ZNF804A: variants seen among roughly 807,000 people sequenced by gnomAD.
The protein encoded by ZNF804A is zinc finger protein 804A.
A neutral mutation model predicts 16.5 loss-of-function variants in ZNF804A; 2 were observed. The ratio of observed to expected loss-of-function variants is 0.12; its 90% CI spans 0.05 to 0.38. The LOEUF is 0.38. Ranked by LOEUF, ZNF804A falls within the 10% of genes least tolerant of loss-of-function variation. ZNF804A has a pLI of 0.99. For synonymous variants in ZNF804A, 534 were observed against 489.6 expected (o/e 1.09, Z -1.20); for missense variants, 1,473 against 1,390.7 (o/e 1.06, Z -0.94).
chr2:184,908,832 T>C (rs766868135), intron 2 of ZNF804A, among the ~76,000 whole-genome samples: 28 of 152,174 alleles, frequency 1.8e-4, no homozygotes, highest in Non-Finnish European at 3.2e-4. Flanking sequence ...GCTACTCTGT[T>C]ATTTCAGTTT....
At chr2:184,625,841 C>T (rs1045721171) in intron 1 of ZNF804A, among the ~76,000 whole-genome samples, 1 of 151,930 alleles carries the variant, frequency 6.6e-6, no homozygotes, top group Non-Finnish European at 1.5e-5. Context: ...AACAGATAAC[C>T]TAACTTTGAG....
At chr2:184,607,557 C>T (rs2105669123) in intron 1 of ZNF804A, among the ~76,000 whole-genome samples, 1 of 152,166 alleles carries the variant, frequency 6.6e-6, no homozygotes, top group East Asian at 1.9e-4. Flanking sequence ...TAACTGCCCC[C>T]ATGATTCAAT....
intron 1 of ZNF804A, among the ~76,000 whole-genome samples, chr2:184,812,694 C>G (rs1024579216): frequency 2.6e-5 from 4 of 152,150 alleles, no homozygotes; most frequent in South Asian, 4.1e-4. Context: ...CTGGAAAGCA[C>G]TTTTCTTTCT....
chr2:184,917,535 AT>A (rs1371302750), intron 2 of ZNF804A, among the ~76,000 whole-genome samples: 1 of 152,088 alleles, frequency 6.6e-6, no homozygotes, highest in Non-Finnish European at 1.5e-5. Context: ...CTGAAAATAG[AT>A]GAGTATAGTA....
chr2:184,668,533 C>T (rs1692288428), intron 1 of ZNF804A, among the ~76,000 whole-genome samples: 1 of 151,780 alleles, frequency 6.6e-6, no homozygotes, highest in African/African-American at 2.4e-5. Context: ...TTTTTCTTCA[C>T]AATAAAACAT....
At chr2:184,630,466 T>C (rs1357310090) in intron 1 of ZNF804A, among the ~76,000 whole-genome samples, 1 of 152,168 alleles carries the variant, frequency 6.6e-6, no homozygotes, top group Non-Finnish European at 1.5e-5. Flanking sequence ...CCTCTTATTT[T>C]CTCAGAAGAA....
At chr2:184,801,076 T>C (rs1694718349) in intron 1 of ZNF804A, among the ~76,000 whole-genome samples, 1 of 152,088 alleles carries the variant, frequency 6.6e-6, no homozygotes. Context: ...TTTTGAAGGG[T>C]AAGTTTGCCT....
rs1685740712 is a variant in ZNF804A at position 184,933,678 on chromosome 2, G to A, written c.331G>A (p.Glu111Lys). The change falls in exon 3 of 4, where the codon GAA becomes AAA. Residue 111 changes from glutamate to lysine, a missense_variant. Physicochemically the swap from Glu to Lys is moderately conservative, Grantham distance 56 (BLOSUM62 1). Transcript: ENST00000302277. ...SKSRKDERKQ[E>K]KALQRLHKLA... ...ATCCAGGAAAGATGAAAGAAAACAG[G>A]AAAAGGCACTCCAACGCCTGCACAA... 2 of 1,610,756 alleles carry A rather than the reference G, an allele frequency of 1.2e-6. No individual in the cohort carries two copies. The highest frequency in any genetic ancestry group is 1.1e-5 in the South Asian group (1 of 90,578).
intron 1 of ZNF804A, among the ~76,000 whole-genome samples, chr2:184,779,122 A>G (rs1342906566): frequency 2.0e-5 from 3 of 151,580 alleles, no homozygotes; most frequent in Non-Finnish European, 2.9e-5. Flanking sequence ...TCTGCTCTTA[A>G]AAAATACTCT....
chr2:184,793,368 T>C (rs1202074671), intron 1 of ZNF804A, among the ~76,000 whole-genome samples: 1 of 152,136 alleles, frequency 6.6e-6, no homozygotes, highest in Non-Finnish European at 1.5e-5. Flanking sequence ...CCACAGAGAT[T>C]GGCTTAATTT....
intron 1 of ZNF804A, among the ~76,000 whole-genome samples, chr2:184,613,638 C>A (rs1691274026): frequency 6.6e-6 from 1 of 151,854 alleles, no homozygotes; most frequent in Non-Finnish European, 1.5e-5. Context: ...TCTTCTAAGG[C>A]AGTAAGAAGC....
intron 1 of ZNF804A, among the ~76,000 whole-genome samples, chr2:184,841,842 C>T (rs1249026486): frequency 6.6e-6 from 1 of 151,976 alleles, no homozygotes; most frequent in Non-Finnish European, 1.5e-5. Flanking sequence ...CAGGCAGAGA[C>T]AGAGGGTTAG....
At chr2:184,818,085 C>A (rs1695010670) in intron 1 of ZNF804A, among the ~76,000 whole-genome samples, 1 of 151,780 alleles carries the variant, frequency 6.6e-6, no homozygotes, top group Non-Finnish European at 1.5e-5. Context: ...ATAAGAAGAT[C>A]AACCCCAAGA....
chr2:184,617,999 G>T (rs1175488640), intron 1 of ZNF804A, among the ~76,000 whole-genome samples: 1 of 151,904 alleles, frequency 6.6e-6, no homozygotes, highest in Admixed American at 6.6e-5. Flanking sequence ...ATTTATACAT[G>T]TCTTGTGGAC....
chr2:184,720,179 C>A (rs943585999), intron 1 of ZNF804A, among the ~76,000 whole-genome samples: 1 of 152,068 alleles, frequency 6.6e-6, no homozygotes, highest in Admixed American at 6.6e-5. Context: ...ATCATGAGAA[C>A]AGTGCAGGAA....
chr2:184,708,870 T>A, intron 1 of ZNF804A, among the ~76,000 whole-genome samples: 1 of 152,086 alleles, frequency 6.6e-6, no homozygotes, highest in Non-Finnish European at 1.5e-5. Flanking sequence ...CAGAATGACA[T>A]TCAAACTCCT....
At chr2:184,768,928 T>G (rs973232745) in intron 1 of ZNF804A, among the ~76,000 whole-genome samples, 1 of 152,112 alleles carries the variant, frequency 6.6e-6, no homozygotes, top group African/African-American at 2.4e-5. Flanking sequence ...TTAATCACCC[T>G]CTTTTAACTG....
intron 1 of ZNF804A, among the ~76,000 whole-genome samples, chr2:184,858,762 C>G (rs950935170): frequency 2.0e-5 from 3 of 152,060 alleles, no homozygotes; most frequent in Non-Finnish European, 4.4e-5. Flanking sequence ...TCAGTACTCA[C>G]TTTTATCAGT....
chr2:184,844,505 T>C (rs190415700), intron 1 of ZNF804A, among the ~76,000 whole-genome samples: 3 of 152,200 alleles, frequency 2.0e-5, no homozygotes, highest in Admixed American at 2.0e-4. Flanking sequence ...AGGTTGTTGT[T>C]TTTTCTTTCA....
Sources: gnomAD v4.1 joint callset for allele counts (sites outside exome capture counted in the v4.1 genomes callset) on GRCh38, gnomAD v4.1.1 for gene constraint, MANE v1.5 for transcripts, NCBI Gene and HGNC (gene_info 2026-07-23, HGNC 2026-07-21) for gene names.